LIFR: variants seen among roughly 807,000 people sequenced by gnomAD.
LIFR encodes leukemia inhibitory factor receptor.
Under a neutral mutation model 122.2 loss-of-function variants are expected in LIFR, and 84 were observed. That is an observed-to-expected ratio of 0.69 (90% confidence interval 0.58 to 0.82). The LOEUF is 0.82. LIFR is among the 40% of genes least tolerant of loss of function. LIFR has a pLI of 0.00. For missense variants in LIFR, 1,294 were observed against 1,311.6 expected (o/e 0.99, Z 0.21); for synonymous variants, 422 against 434.7 (o/e 0.97, Z 0.36).
In LIFR at chr5:38,478,451, C is replaced by A. The variant is rs1743825542; in HGVS notation, c.*3144G>T. The A allele has an allele frequency of 4.7e-6, 1 of 213,974 alleles. No homozygotes were observed. Among genetic ancestry groups the A allele is most frequent in the South Asian group, 1.9e-4 (1 of 5,366 alleles). The allele number at this position is 213,974 out of a possible 1,614,324, so 13.3% of individuals were successfully genotyped here. On this transcript the variant is annotated 3_prime_UTR_variant, in exon 20 of 20. Coordinates refer to ENST00000453190, the MANE Select transcript of LIFR (RefSeq NM_001127671.2). ...GCACATAAACACACAACTCAACTAT[C>A]CAGATACTCAGGGCCACAATCTCAA... is the stretch of plus-strand genomic sequence containing the variant.
At chr5:38,491,175 T>A (rs1382338690) in intron 14 of LIFR, among the ~76,000 whole-genome samples, 1 of 152,208 alleles carries the variant, frequency 6.6e-6, no homozygotes, top group African/African-American at 2.4e-5. Context: ...AGAAATACTT[T>A]GAATTAACTC....
chr5:38,489,244 A>G lies in LIFR; in HGVS notation c.2169T>C (p.Ala723=). ...RSMIGYIEEL[A]PIVAPNFTVE... ...CAGTAAAATTTGGTGCAACAATGGGAGCTGTAAAAGGAAAAAGTCAATTGC... is the reference window on the plus strand; with the variant it reads ...CAGTAAAATTTGGTGCAACAATGGGGGCTGTAAAAGGAAAAAGTCAATTGC... Residue 723 remains alanine, a splice_region_variant and synonymous_variant, in exon 16 of 20, where the codon GCT becomes GCC. Coordinates refer to ENST00000453190, the MANE Select transcript of LIFR (RefSeq NM_001127671.2). 1 of 1,611,628 alleles carries G rather than the reference A, an allele frequency of 6.2e-7. No individual in the cohort carries two copies. Among genetic ancestry groups the G allele is most frequent in the Non-Finnish European group, 8.5e-7 (1 of 1,178,810 alleles).
In LIFR at chr5:38,506,020, G is replaced by C; in HGVS notation, c.1176C>G (p.Ser392Arg). The C allele has an allele frequency of 1.2e-6, 2 of 1,607,192 alleles. No homozygotes were observed. The highest frequency in any genetic ancestry group is 1.7e-6 in the Non-Finnish European group (2 of 1,175,470). Residue 392 changes from serine to arginine, a missense_variant, in exon 9 of 20, where the codon AGC becomes AGG. Transcript: ENST00000453190. ...LKRAEAPTNE[S>R]YQLLFQMLPN... ...GAAGCATTTGAAATAATAATTGATA[G>C]CTTTCGTTTGTAGGTGCTTCAGCTC... is the stretch of plus-strand genomic sequence containing the variant.
At chr5:38,517,584 G>A (rs903362519) in intron 5 of LIFR, among the ~76,000 whole-genome samples, 2 of 152,014 alleles carry the variant, frequency 1.3e-5, no homozygotes, top group African/African-American at 2.4e-5. Context: ...AAGGCTGGGC[G>A]CGGTGGCTCA....
At chr5:38,507,628 T>C (rs1676764631) in intron 7 of LIFR, among the ~76,000 whole-genome samples, 1 of 151,064 alleles carries the variant, frequency 6.6e-6, no homozygotes, top group South Asian at 2.1e-4. Flanking sequence ...ATTGTAGAAA[T>C]TCATATTTCT....
chr5:38,574,036 A>G (rs2112722228), intron 1 of LIFR, among the ~76,000 whole-genome samples: 3 of 152,178 alleles, frequency 2.0e-5, no homozygotes, highest in Middle Eastern at 6.8e-3. Flanking sequence ...GAATTGCTTG[A>G]ACCTGGGAGG....
intron 1 of LIFR, among the ~76,000 whole-genome samples, chr5:38,564,794 A>C (rs1020607841): frequency 6.8e-6 from 1 of 146,254 alleles, no homozygotes; most frequent in African/African-American, 2.6e-5. Flanking sequence ...TTTTTTTTTG[A>C]GTCAGAGTCT....
chr5:38,587,631 TTAC>T (rs1370982266), intron 1 of LIFR, among the ~76,000 whole-genome samples: 1 of 152,166 alleles, frequency 6.6e-6, no homozygotes, highest in Non-Finnish European at 1.5e-5. Flanking sequence ...GTGGTGGTTG[TTAC>T]TGTTTTAAAA....
chr5:38,608,094 G>T (rs1246484193), intron 1 of LIFR: 1 of 152,072 alleles, frequency 6.6e-6, no homozygotes, highest in Non-Finnish European at 1.5e-5. Context: ...TATCCCTAAT[G>T]AACAGATGGG....
chr5:38,497,683 C>T (rs1171668638), intron 12 of LIFR, among the ~76,000 whole-genome samples: 4 of 152,062 alleles, frequency 2.6e-5, no homozygotes, highest in Non-Finnish European at 5.9e-5. Context: ...TTTGATATTT[C>T]TTTCAAGTTG....
At chr5:38,604,481 C>T (rs1323694932) in intron 2 of LIFR, among the ~76,000 whole-genome samples, 2 of 151,996 alleles carry the variant, frequency 1.3e-5, no homozygotes, top group East Asian at 3.9e-4. Context: ...CTGAGTTGGG[C>T]GGATCACCTG....
intron 1 of LIFR, among the ~76,000 whole-genome samples, chr5:38,566,276 AT>A (rs1749022341): frequency 6.6e-6 from 1 of 152,168 alleles, no homozygotes; most frequent in South Asian, 2.1e-4. Context: ...TAGGAAATAT[AT>A]TGTTCCTTTG....
chr5:38,597,174 G>A (rs1375941565), upstream of LIFR, among the ~76,000 whole-genome samples: 1 of 152,200 alleles, frequency 6.6e-6, no homozygotes, highest in Non-Finnish European at 1.5e-5. Flanking sequence ...ACTCAGCCAG[G>A]CCACAGTCCC....
Position 38,476,054 on chromosome 5 carries a change from G to A in LIFR, c.*5541C>T, listed in dbSNP as rs369128015. On this transcript the variant is annotated 3_prime_UTR_variant, in exon 20 of 20. Coordinates refer to ENST00000453190, the MANE Select transcript of LIFR (RefSeq NM_001127671.2). ...AGGTTTCTTTTTCGTGTTGTCTCCC[G>A]CTACTCACAATGTTATTCATATTTT... The A allele has an allele frequency of 2.0e-5, 4 of 199,008 alleles. No individual in the cohort carries two copies. Among genetic ancestry groups the A allele is most frequent in the South Asian group, 3.8e-4 (2 of 5,230 alleles). The allele number at this position is 199,008 out of a possible 1,614,324, so 12.3% of individuals were successfully genotyped here. A position where few individuals can be genotyped will look rare whatever the true frequency, so the allele number is the denominator to read the frequency against.
At chr5:38,487,639 GTCTC>G (rs776292269) in intron 16 of LIFR, among the ~76,000 whole-genome samples, 43 of 152,168 alleles carry the variant, frequency 2.8e-4, no homozygotes, top group African/African-American at 8.9e-4. Flanking sequence ...CGTAAATATG[GTCTC>G]TCTCTTTCTT....
At position 38,545,753 on chromosome 5, in the gene LIFR, G is replaced by T. The variant is rs1022867335; in HGVS notation, c.-20+10581C>A. Among the ~76,000 whole-genome samples, 6 of 151,070 alleles carry T rather than the reference G, an allele frequency of 4.0e-5. No homozygotes were observed. The East Asian group carries it at 5.9e-4, about 15-fold the overall frequency. ...GGCGGGCGCCTGTAGTCCCAGCTATGTGGGAGGCTGAGGCAGGAGAATGGC... is the reference window on the plus strand; with the variant it reads ...GGCGGGCGCCTGTAGTCCCAGCTATTTGGGAGGCTGAGGCAGGAGAATGGC... On this transcript the variant is annotated intron_variant, in intron 1 of 19. Transcript: ENST00000453190.
At chr5:38,523,832 T>C (rs1746533578) in intron 4 of LIFR, among the ~76,000 whole-genome samples, 1 of 152,166 alleles carries the variant, frequency 6.6e-6, no homozygotes, top group South Asian at 2.1e-4. Flanking sequence ...TTGGTTCTAA[T>C]GAGAAAGGGA....
chr5:38,492,209 C>G (rs779191359), intron 14 of LIFR, among the ~76,000 whole-genome samples: 7 of 152,162 alleles, frequency 4.6e-5, no homozygotes, highest in South Asian at 4.1e-4. Flanking sequence ...GGAAAAGGCA[C>G]CTAACTTCTC....
intron 1 of LIFR, among the ~76,000 whole-genome samples, chr5:38,574,954 C>T (rs561426758): frequency 6.6e-6 from 1 of 152,286 alleles, no homozygotes; most frequent in South Asian, 2.1e-4. Flanking sequence ...TACGTATATA[C>T]TCAACAGGAA....
Sources: gnomAD v4.1 joint callset for allele counts (sites outside exome capture counted in the v4.1 genomes callset) on GRCh38, gnomAD v4.1.1 for gene constraint, MANE v1.5 for transcripts, NCBI Gene and HGNC (gene_info 2026-07-23, HGNC 2026-07-21) for gene names.